WDPCP: variants seen among roughly 807,000 people sequenced by gnomAD.
WDPCP encodes WD repeat-containing and planar cell polarity effector protein fritz homolog.
WDPCP carries 71 observed loss-of-function variants against 93.1 expected under a neutral mutation model. The ratio of observed to expected loss-of-function variants is 0.76; its 90% CI spans 0.63 to 0.93. The LOEUF is 0.93. WDPCP is among the 40% of genes least tolerant of loss of function. The pLI is 0.00. For missense variants in WDPCP, 844 were observed against 887.4 expected, an observed-to-expected ratio of 0.95 and a Z score of 0.62; for synonymous variants, 315 against 315.0, an observed-to-expected ratio of 1.00 and a Z score of 0.00.
intron 13 of WDPCP, among the ~76,000 whole-genome samples, chr2:63,261,097 A>C (rs1278897139): frequency 6.6e-6 from 1 of 152,120 alleles, no homozygotes; most frequent in Non-Finnish European, 1.5e-5. Context: ...TGATAAAATC[A>C]TTTCATTTCA....
intron 6 of WDPCP, among the ~76,000 whole-genome samples, chr2:63,462,865 CA>C (rs935614098): frequency 6.6e-6 from 1 of 151,956 alleles, no homozygotes; most frequent in Non-Finnish European, 1.5e-5. Flanking sequence ...GGAAGAGGAC[CA>C]AAGAGGGGTC....
At chr2:63,807,445 G>A (rs1391787809) in intron 2 of WDPCP, among the ~76,000 whole-genome samples, 2 of 152,146 alleles carry the variant, frequency 1.3e-5, no homozygotes, top group Non-Finnish European at 2.9e-5. Context: ...CTTACACCAT[G>A]ATTGGAAGCT....
intron 6 of WDPCP, among the ~76,000 whole-genome samples, chr2:63,462,121 C>G (rs1364805000): frequency 6.6e-6 from 1 of 152,168 alleles, no homozygotes; most frequent in African/African-American, 2.4e-5. Context: ...CAATGATAGG[C>G]TGGATTAAGA....
At position 63,626,298 on chromosome 2, in the gene WDPCP, A is replaced by T. The variant is rs913046925; in HGVS notation, n.488+24361T>A. Among the ~76,000 whole-genome samples the T allele has an allele frequency of 3.9e-5, 6 of 152,250 alleles. No individual in the cohort carries two copies. The South Asian group carries it at 1.0e-3, about 26-fold the overall frequency. The stretch of plus-strand genomic sequence containing the variant: ...CATGGGCAAAGACTTCATGACCAAA[A>T]TACCAAAAGCAACGGCAACAAAAGC... On this transcript the variant is annotated intron_variant and non_coding_transcript_variant, in intron 3 of 4. Transcript: ENST00000467687.
intron 12 of WDPCP, among the ~76,000 whole-genome samples, chr2:63,344,610 GGTCT>G (rs1689067195): frequency 6.6e-6 from 1 of 152,188 alleles, no homozygotes; most frequent in South Asian, 2.1e-4. Context: ...AGGTTTCTTT[GGTCT>G]GTCTGCTGCT....
chr2:63,666,478 T>C (rs1710284482), intron 2 of WDPCP, among the ~76,000 whole-genome samples: 1 of 152,198 alleles, frequency 6.6e-6, no homozygotes, highest in Non-Finnish European at 1.5e-5. Flanking sequence ...TGTTTAAAAC[T>C]CCAGTTTGAA....
chr2:63,352,620 AC>A (rs1689715571), intron 12 of WDPCP, among the ~76,000 whole-genome samples: 1 of 152,218 alleles, frequency 6.6e-6, no homozygotes, highest in South Asian at 2.1e-4. Context: ...AAGCCTGAAT[AC>A]AGTTCAATAT....
chr2:63,494,886 C>G (rs974829184), intron 1 of WDPCP, among the ~76,000 whole-genome samples: 1 of 142,490 alleles, frequency 7.0e-6, no homozygotes, highest in Non-Finnish European at 1.5e-5. Context: ...CGCCACTGCA[C>G]TCCAGCCTGG....
chr2:63,277,373 G>A (rs952738825), intron 13 of WDPCP, among the ~76,000 whole-genome samples: 5 of 152,088 alleles, frequency 3.3e-5, no homozygotes, highest in African/African-American at 1.2e-4. Flanking sequence ...GCAACAAACA[G>A]CATGATGAAT....
intron 2 of WDPCP, among the ~76,000 whole-genome samples, chr2:63,783,841 G>C (rs1670432314): frequency 6.6e-6 from 1 of 152,078 alleles, no homozygotes; most frequent in South Asian, 2.1e-4. Flanking sequence ...AAGTGATGGA[G>C]ACACTAAAAT....
Position 63,487,464 on chromosome 2 carries a change from T to G in WDPCP, c.191A>C (p.Asp64Ala), listed in dbSNP as rs760757593. ...DRDIGIYQYYDKKDPPATEHG... is the reference protein window; with the variant it reads ...DRDIGIYQYYAKKDPPATEHG... ...TACTTTACCTGGTGGATCTTTCTTG[T>G]CATAATACTGGTAGATCCCAATGTC... Residue 64 changes from aspartate (D) to alanine (A), a missense_variant, in exon 3 of 18, where the codon GAC (aspartate) becomes GCC (alanine). Coordinates refer to ENST00000272321, the MANE Select transcript of WDPCP (RefSeq NM_015910.7). 5 of 1,593,456 alleles carry G rather than the reference T, an allele frequency of 3.1e-6. No individual in the cohort carries two copies. The highest frequency in any genetic ancestry group is 4.3e-6 in the Non-Finnish European group (5 of 1,162,766).
chr2:63,687,651 T>C (rs748891305), intron 2 of WDPCP, among the ~76,000 whole-genome samples: 9 of 152,046 alleles, frequency 5.9e-5, no homozygotes, highest in Non-Finnish European at 1.2e-4. Context: ...CTCACCCCAG[T>C]TAAAATGGTT....
intron 6 of WDPCP, among the ~76,000 whole-genome samples, chr2:63,475,820 A>C (rs67257875): frequency 0.19 from 29,513 of 151,950 alleles, 3,071 homozygotes; most frequent in Middle Eastern, 0.28. Context: ...CCTCCAAATG[A>C]GAAGATCCTT....
intron 12 of WDPCP, among the ~76,000 whole-genome samples, chr2:63,362,673 C>A (rs768171534): frequency 6.6e-6 from 1 of 151,916 alleles, no homozygotes; most frequent in South Asian, 2.1e-4. Context: ...AATCAATTTT[C>A]TTTTCTTAAG....
intron 12 of WDPCP, 50 bp from the exon 13 acceptor site, chr2:63,313,361 A>C: frequency 4.6e-6 from 7 of 1,527,904 alleles, no homozygotes; most frequent in Non-Finnish European, 6.3e-6. Flanking sequence ...GAATATATAA[A>C]AGAAAAGAGC....
chr2:63,573,577 G>A (rs1394038243), intron 1 of WDPCP, among the ~76,000 whole-genome samples: 1 of 152,146 alleles, frequency 6.6e-6, no homozygotes, highest in Admixed American at 6.5e-5. Flanking sequence ...TGAGGAGGAT[G>A]TATGCCGCCT....
At chr2:63,565,017 T>TCTGC (rs1283026959) in intron 1 of WDPCP, among the ~76,000 whole-genome samples, 2 of 152,208 alleles carry the variant, frequency 1.3e-5, no homozygotes, top group Non-Finnish European at 2.9e-5. Context: ...GACCTCATGA[T>TCTGC]CTGCCGCCTT....
At chr2:63,697,127 G>C (rs1668970096) in intron 2 of WDPCP, among the ~76,000 whole-genome samples, 1 of 97,648 alleles carries the variant, frequency 1.0e-5, no homozygotes, top group African/African-American at 4.6e-5. Flanking sequence ...AGTAGTTATA[G>C]TAGCTGTAGT....
At chr2:63,738,702 A>T (rs541296641) in intron 2 of WDPCP, among the ~76,000 whole-genome samples, 1 of 152,200 alleles carries the variant, frequency 6.6e-6, no homozygotes, top group African/African-American at 2.4e-5. Context: ...AATCTGTCAT[A>T]AAGGATAAAT....
Sources: allele counts gnomAD v4.1 joint callset (sites outside exome capture counted in the v4.1 genomes callset), GRCh38; gene constraint gnomAD v4.1.1; transcripts MANE v1.5; gene names NCBI Gene and HGNC (gene_info 2026-07-23, HGNC 2026-07-21).